ANKS1B: variants seen among roughly 807,000 people sequenced by gnomAD.
ANKS1B encodes ankyrin repeat and sterile alpha motif domain containing 1B.
A neutral mutation model predicts 148.3 loss-of-function variants in ANKS1B; 36 were observed. That is an observed-to-expected ratio of 0.24 (90% CI 0.19 to 0.32). The LOEUF is 0.32. Ranked by LOEUF, ANKS1B falls within the 10% of genes least tolerant of loss-of-function variation. The pLI, the probability that ANKS1B is intolerant of heterozygous loss-of-function variation, is 1.00. For synonymous variants in ANKS1B, 542 were observed against 560.8 expected (o/e 0.97, Z 0.47); for missense variants, 1,157 against 1,542.6 (o/e 0.75, Z 4.19).
intron 9 of ANKS1B, among the ~76,000 whole-genome samples, chr12:99,537,115 G>C (rs1333326506): frequency 1.3e-5 from 2 of 152,122 alleles, no homozygotes; most frequent in Non-Finnish European, 2.9e-5. Context: ...TGGCTGGATA[G>C]TACTCCATTG....
At chr12:99,440,523 T>A (rs1191482604) in intron 11 of ANKS1B, among the ~76,000 whole-genome samples, 1 of 151,684 alleles carries the variant, frequency 6.6e-6, no homozygotes, top group East Asian at 1.9e-4. Flanking sequence ...TTTCAGTCAC[T>A]CTGAATTTGA....
intron 8 of ANKS1B, among the ~76,000 whole-genome samples, chr12:99,771,437 A>G (rs954398883): frequency 6.6e-6 from 1 of 152,122 alleles, no homozygotes; most frequent in Admixed American, 6.6e-5. Context: ...GCCAGTTTAC[A>G]TAAATCTTTG....
chr12:99,933,633 T>G (rs1002753458), intron 1 of ANKS1B, among the ~76,000 whole-genome samples: 1 of 152,150 alleles, frequency 6.6e-6, no homozygotes, highest in African/African-American at 2.4e-5. Context: ...TTCTAATAGT[T>G]TTTTGGTGGG....
chr12:99,544,689 G>A (rs2097156718), intron 9 of ANKS1B, among the ~76,000 whole-genome samples: 1 of 152,118 alleles, frequency 6.6e-6, no homozygotes, highest in African/African-American at 2.4e-5. Context: ...CAGAACAAGT[G>A]ACAAGAGCAA....
At chr12:98,983,890 T>C (rs1441107133) in intron 17 of ANKS1B, among the ~76,000 whole-genome samples, 1 of 152,248 alleles carries the variant, frequency 6.6e-6, no homozygotes, top group African/African-American at 2.4e-5. Flanking sequence ...TGAGTCAACT[T>C]TCTTTTTTCA....
At chr12:99,057,550 T>C (rs946269823) in intron 16 of ANKS1B, among the ~76,000 whole-genome samples, 1 of 152,230 alleles carries the variant, frequency 6.6e-6, no homozygotes, top group Non-Finnish European at 1.5e-5. Flanking sequence ...AGTTATTTTT[T>C]AGAAACATAT....
At chr12:98,846,971 C>T (rs545372406) in intron 17 of ANKS1B, among the ~76,000 whole-genome samples, 8 of 152,090 alleles carry the variant, frequency 5.3e-5, no homozygotes, top group Non-Finnish European at 8.8e-5. Context: ...AAAGGTTGTA[C>T]GTATTTAATG....
At chr12:99,118,768 G>A (rs980898414) in intron 15 of ANKS1B, among the ~76,000 whole-genome samples, 3 of 152,146 alleles carry the variant, frequency 2.0e-5, no homozygotes, top group African/African-American at 4.8e-5. Context: ...GACTGCAGGC[G>A]ACTTTAACAA....
intron 1 of ANKS1B, among the ~76,000 whole-genome samples, chr12:99,936,506 C>T (rs1466592666): frequency 6.6e-6 from 1 of 152,134 alleles, no homozygotes; most frequent in Non-Finnish European, 1.5e-5. Flanking sequence ...ATTACAGTTG[C>T]AACTGAGAAA....
At position 99,504,592 on chromosome 12, in the gene ANKS1B, G is replaced by C. The variant is rs758087557; in HGVS notation, c.1322C>G (p.Ala441Gly). The C allele has an allele frequency of 6.2e-7, 1 of 1,611,104 alleles. No homozygotes were observed. The highest frequency in any genetic ancestry group is 1.7e-5 in the Admixed American group (1 of 59,536). ...TTCTGAAGGAAATGTATCCAGAGAA[G>C]CAGATGGTACAATTTCCATAGTGTA... ...RNYTMEIVPS[A>G]SLDTFPSENE... Residue 441 changes from alanine to glycine, a missense_variant, in exon 10 of 27, where the codon GCT becomes GGT. Ala to Gly is a moderately conservative substitution (Grantham distance 60). Around this residue, in one of 6 missense-constraint regions of ANKS1B, gnomAD observed 661 missense variants for 642.1 expected, o/e 1.03. Coordinates refer to ENST00000683438, the MANE Select transcript of ANKS1B (RefSeq NM_001352186.2).
intron 14 of ANKS1B, among the ~76,000 whole-genome samples, chr12:99,235,769 C>T (rs987387287): frequency 6.6e-6 from 1 of 152,174 alleles, no homozygotes; most frequent in African/African-American, 2.4e-5. Flanking sequence ...TATTGCTTGA[C>T]CTTTTTAAAA....
intron 1 of ANKS1B, among the ~76,000 whole-genome samples, chr12:99,935,657 T>C (rs1232421364): frequency 6.6e-6 from 1 of 152,160 alleles, no homozygotes; most frequent in East Asian, 1.9e-4. Flanking sequence ...TGCCTAGTAG[T>C]CCCTCAATAA....
intron 8 of ANKS1B, among the ~76,000 whole-genome samples, chr12:99,715,028 C>T (rs138796524): frequency 0.029 from 4,420 of 151,738 alleles, 221 homozygotes; most frequent in African/African-American, 0.1. Flanking sequence ...ACTCGGGAGG[C>T]TAAGGCAGGA....
intron 1 of ANKS1B, among the ~76,000 whole-genome samples, chr12:99,835,919 T>G (rs775723272): frequency 6.6e-6 from 1 of 152,120 alleles, no homozygotes; most frequent in Non-Finnish European, 1.5e-5. Flanking sequence ...TGCACATGTA[T>G]CCCAGAACTT....
At chr12:99,512,356 A>G (rs1405569052) in intron 9 of ANKS1B, among the ~76,000 whole-genome samples, 1 of 151,930 alleles carries the variant, frequency 6.6e-6, no homozygotes, top group Non-Finnish European at 1.5e-5. Flanking sequence ...CAATGAGATC[A>G]CCTCATGCAG....
chr12:99,560,634 G>A (rs189256317), intron 9 of ANKS1B, among the ~76,000 whole-genome samples: 21 of 152,154 alleles, frequency 1.4e-4, no homozygotes, highest in Admixed American at 3.9e-4. Context: ...TCTACTTAGT[G>A]TGCAATAGCA....
chr12:99,209,577 T>C (rs1434299562), intron 14 of ANKS1B, among the ~76,000 whole-genome samples: 2 of 152,198 alleles, frequency 1.3e-5, no homozygotes, highest in East Asian at 3.8e-4. Context: ...AGTCTCATGC[T>C]TGATGTGTGG....
chr12:99,502,332 G>T lies in ANKS1B; in HGVS notation c.1438+2144C>A, dbSNP rs556343959. The stretch of plus-strand genomic sequence containing the variant: ...ACTTCCATAGCCTGGGGTCAGCATT[G>T]TTTTCATTCTCCATGACCGCTGTGG... On this transcript the variant is annotated intron_variant, in intron 10 of 26. Coordinates refer to ENST00000683438, the MANE Select transcript of ANKS1B (RefSeq NM_001352186.2). Among the ~76,000 whole-genome samples, 23 of 152,198 alleles carry T rather than the reference G, an allele frequency of 1.5e-4. 1 individual carries two copies. The South Asian group carries it at 4.6e-3, about 30-fold the overall frequency.
chr12:99,099,496 G>T (rs903582768), intron 15 of ANKS1B, among the ~76,000 whole-genome samples: 2 of 152,198 alleles, frequency 1.3e-5, no homozygotes, highest in African/African-American at 4.8e-5. Flanking sequence ...CAGGGTGCTT[G>T]CATGGGGCTG....
Sources: gnomAD v4.1 joint callset for allele counts (sites outside exome capture counted in the v4.1 genomes callset) on GRCh38, gnomAD v4.1.1 for gene constraint, gnomAD v4.1.1 regional missense constraint, MANE v1.5 for transcripts, NCBI Gene and HGNC (gene_info 2026-07-23, HGNC 2026-07-21) for gene names.